The following SLC24A3 variants were observed in gnomAD, a reference collection of about 807,000 sequenced individuals.
SLC24A3 encodes the protein solute carrier family 24 member 3.
SLC24A3 carries 28 observed loss-of-function variants against 75.8 expected under a neutral mutation model. That is an observed-to-expected ratio of 0.37 (90% confidence interval 0.27 to 0.51). SLC24A3 has a LOEUF of 0.51. Among genes scored for constraint, SLC24A3 ranks in the 20% least tolerant of loss-of-function variants. The pLI, the probability that SLC24A3 is intolerant of heterozygous loss-of-function variation, is 0.94. For synonymous variants in SLC24A3, 372 were observed against 334.1 expected (o/e 1.11, Z -1.24); for missense variants, 663 against 847.8 (o/e 0.78, Z 2.71).
chr20:19,587,585 G>A (rs2031315795), intron 6 of SLC24A3, among the ~76,000 whole-genome samples: 2 of 152,178 alleles, frequency 1.3e-5, no homozygotes, highest in South Asian at 2.1e-4. Context: ...GATTTTCAAG[G>A]CCATCCAGCT....
At chr20:19,588,742 A>G (rs879761056) in intron 6 of SLC24A3, among the ~76,000 whole-genome samples, 1 of 152,250 alleles carries the variant, frequency 6.6e-6, no homozygotes, top group African/African-American at 2.4e-5. Context: ...TGTACGTTGT[A>G]TTGAAGGGAC....
chr20:19,370,898 G>A (rs974251034), intron 2 of SLC24A3, among the ~76,000 whole-genome samples: 1 of 152,168 alleles, frequency 6.6e-6, no homozygotes, highest in Non-Finnish European at 1.5e-5. Flanking sequence ...CAGCCTGGTG[G>A]GTCCCGGTGG....
intron 7 of SLC24A3, among the ~76,000 whole-genome samples, chr20:19,656,845 T>C (rs1333061455): frequency 6.6e-6 from 1 of 152,242 alleles, no homozygotes; most frequent in Non-Finnish European, 1.5e-5. Context: ...AACTGGACTA[T>C]GTGTGAAATC....
intron 2 of SLC24A3, among the ~76,000 whole-genome samples, chr20:19,483,716 G>A (rs1238090333): frequency 6.6e-6 from 1 of 152,190 alleles, no homozygotes; most frequent in Non-Finnish European, 1.5e-5. Context: ...GTGTGGAGTT[G>A]CTGTGATAAT....
chr20:19,570,992 G>A (rs150828489), intron 3 of SLC24A3, among the ~76,000 whole-genome samples: 36 of 152,262 alleles, frequency 2.4e-4, no homozygotes, highest in African/African-American at 8.7e-4. Flanking sequence ...AGAGGTTAGA[G>A]CTGTAGACGT....
At chr20:19,299,079 A>G (rs749461432) in intron 2 of SLC24A3, among the ~76,000 whole-genome samples, 10 of 152,134 alleles carry the variant, frequency 6.6e-5, no homozygotes, top group African/African-American at 1.9e-4. Context: ...AGTCATTGCT[A>G]AGTTCCCGCA....
At chr20:19,250,093 C>T (rs1274543737) in intron 1 of SLC24A3, among the ~76,000 whole-genome samples, 6 of 152,222 alleles carry the variant, frequency 3.9e-5, no homozygotes, top group African/African-American at 1.2e-4. Flanking sequence ...AGCCATTCAA[C>T]AGCCATGTGT....
intron 3 of SLC24A3, among the ~76,000 whole-genome samples, chr20:19,566,464 T>C (rs1157500936): frequency 6.6e-6 from 1 of 152,194 alleles, no homozygotes; most frequent in Non-Finnish European, 1.5e-5. Context: ...CACCAGGGAC[T>C]CCCACACTTC....
At chr20:19,311,069 C>A (rs973853468) in intron 2 of SLC24A3, among the ~76,000 whole-genome samples, 1 of 151,148 alleles carries the variant, frequency 6.6e-6, no homozygotes, top group African/African-American at 2.4e-5. Flanking sequence ...CCTTCCCTTC[C>A]TTTTTTCCTT....
chr20:19,233,759 A>G (rs1982091190), intron 1 of SLC24A3, among the ~76,000 whole-genome samples: 1 of 152,234 alleles, frequency 6.6e-6, no homozygotes, highest in Non-Finnish European at 1.5e-5. Context: ...ATGGCTCACA[A>G]GAGTGAAGGG....
In SLC24A3 at chr20:19,491,919, G is replaced by A. The variant is rs536682807; in HGVS notation, c.272-23569G>A. The stretch of plus-strand genomic sequence containing the variant: ...CTTCCTCCATCAGTGATTAGTTAAG[G>A]GACCTGGGCAGGGCAGCAGTGTCAT... On this transcript the variant is annotated intron_variant, in intron 2 of 16. Coordinates refer to ENST00000328041, the MANE Select transcript of SLC24A3 (RefSeq NM_020689.4). 3.9e-5 allele frequency among the ~76,000 whole-genome samples: 6 copies of A among 152,212 alleles called. No homozygotes were observed. In the South Asian group the frequency reaches 8.3e-4, roughly 21 times the overall value.
intron 2 of SLC24A3, among the ~76,000 whole-genome samples, chr20:19,348,017 G>A (rs910618358): frequency 2.6e-5 from 4 of 152,142 alleles, no homozygotes; most frequent in Non-Finnish European, 2.9e-5. Flanking sequence ...TCTCTGATTC[G>A]GTCAACAGTT....
At chr20:19,244,609 A>G (rs1392254774) in intron 1 of SLC24A3, among the ~76,000 whole-genome samples, 1 of 152,192 alleles carries the variant, frequency 6.6e-6, no homozygotes. Context: ...CAGGCCGGCA[A>G]TGTGAAGTTG....
intron 6 of SLC24A3, among the ~76,000 whole-genome samples, chr20:19,617,960 G>T (rs556814074): frequency 6.6e-6 from 1 of 152,024 alleles, no homozygotes; most frequent in East Asian, 1.9e-4. Context: ...TATTTTAAAT[G>T]ATCTCATTTC....
chr20:19,430,156 C>T (rs1041662425), intron 2 of SLC24A3, among the ~76,000 whole-genome samples: 31 of 152,144 alleles, frequency 2.0e-4, no homozygotes, highest in Non-Finnish European at 7.4e-5. Context: ...AGATTTGGCT[C>T]TTGCTGGGGT....
chr20:19,536,037 A>G (rs2030390305), intron 3 of SLC24A3, among the ~76,000 whole-genome samples: 1 of 152,080 alleles, frequency 6.6e-6, no homozygotes. Flanking sequence ...TAAAGGTCCC[A>G]CCTCTTAATT....
At chr20:19,504,947 C>T (rs567787167) in intron 2 of SLC24A3, among the ~76,000 whole-genome samples, 1 of 152,324 alleles carries the variant, frequency 6.6e-6, no homozygotes, top group African/African-American at 2.4e-5. Context: ...CATGAGATTG[C>T]TGTATTTTCT....
chr20:19,356,939 A>G (rs1985697658), intron 2 of SLC24A3, among the ~76,000 whole-genome samples: 1 of 152,158 alleles, frequency 6.6e-6, no homozygotes, highest in Admixed American at 6.5e-5. Flanking sequence ...TTCCCTGGTT[A>G]CTGGTTATAA....
chr20:19,330,864 G>A (rs1483657413), intron 2 of SLC24A3, among the ~76,000 whole-genome samples: 2 of 152,220 alleles, frequency 1.3e-5, no homozygotes, highest in South Asian at 2.1e-4. Context: ...GAGACCGATG[G>A]TCATGGTGCC....
Sources: gnomAD v4.1 joint callset for allele counts (sites outside exome capture counted in the v4.1 genomes callset) on GRCh38, gnomAD v4.1.1 for gene constraint, MANE v1.5 for transcripts, NCBI Gene and HGNC (gene_info 2026-07-23, HGNC 2026-07-21) for gene names.